GNG7: variants seen among roughly 807,000 people sequenced by gnomAD.
GNG7 encodes guanine nucleotide-binding protein G(I)/G(S)/G(O) subunit gamma-7.
A neutral mutation model predicts 4.0 loss-of-function variants in GNG7; 1 was observed. The observed-to-expected ratio is 0.25, with a 90% CI of 0.09 to 1.18. GNG7 has a LOEUF of 1.18. Ranked by LOEUF, GNG7 falls within the 50% of genes most tolerant of loss-of-function variation. GNG7 has a pLI of 0.50. For missense variants in GNG7, 86 were observed against 91.9 expected (o/e 0.94, Z 0.26); for synonymous variants, 34 against 36.9 (o/e 0.92, Z 0.29).
At chr19:2,525,834 G>T (rs2144732810) in intron 3 of GNG7, among the ~76,000 whole-genome samples, 1 of 152,178 alleles carries the variant, frequency 6.6e-6, no homozygotes, top group South Asian at 2.1e-4. Flanking sequence ...TTTTGAGTCG[G>T]AGTCTCGCTC....
At chr19:2,696,292 GAGAA>G (rs796306243) in intron 1 of GNG7, among the ~76,000 whole-genome samples, 19,474 of 108,254 alleles carry the variant, frequency 0.18, 1,608 homozygotes, top group East Asian at 0.21. Flanking sequence ...AAGAGAGAGA[GAGAA>G]AGAAAGAAAG....
chr19:2,608,883 C>T (rs148203841), intron 2 of GNG7, among the ~76,000 whole-genome samples: 3 of 152,292 alleles, frequency 2.0e-5, no homozygotes, highest in African/African-American at 4.8e-5. Context: ...CCTTCTGACC[C>T]GCTTTTTAAA....
chr19:2,550,183 G>A (rs1365778270), intron 3 of GNG7, among the ~76,000 whole-genome samples: 3 of 152,134 alleles, frequency 2.0e-5, no homozygotes, highest in Non-Finnish European at 4.4e-5. Flanking sequence ...GGAGCGGCTG[G>A]GAGGCACTCT....
chr19:2,524,732 G>A (rs1978338633), intron 3 of GNG7, among the ~76,000 whole-genome samples: 1 of 151,852 alleles, frequency 6.6e-6, no homozygotes, highest in South Asian at 2.1e-4. Flanking sequence ...CAGTGTGCAC[G>A]TGTGTATGTG....
rs200691135 is a variant in GNG7 at position 2,677,917 on chromosome 19, CAG to C, written c.-135+24727_-135+24728del. 4.4e-3 allele frequency among the ~76,000 whole-genome samples: 673 copies of C among 152,286 alleles called. 5 individuals carry two copies. Among genetic ancestry groups the C allele is most frequent in the African/African-American group, 0.015 (638 of 41,544 alleles). ...GATCTGGCCCCAAGGTCCACAGTGA[CAG>C]AGAGTGATAACCGCTGCCATAATCT... is the stretch of plus-strand genomic sequence containing the variant. On this transcript the variant is annotated intron_variant, in intron 1 of 4. Transcript: ENST00000382159.
At chr19:2,668,381 G>T (rs1015998551) in intron 1 of GNG7, among the ~76,000 whole-genome samples, 1 of 152,114 alleles carries the variant, frequency 6.6e-6, no homozygotes, top group African/African-American at 2.4e-5. Context: ...CGCTAAAAAC[G>T]GGATATGCAA....
chr19:2,687,911 G>A (rs185786188), intron 1 of GNG7, among the ~76,000 whole-genome samples: 5 of 150,762 alleles, frequency 3.3e-5, no homozygotes, highest in African/African-American at 1.2e-4. Flanking sequence ...AGTGAGCTGA[G>A]ATCGTGCCAC....
chr19:2,557,253 A>C lies in GNG7; in HGVS notation c.-77-2065T>G, dbSNP rs555704502. Among the ~76,000 whole-genome samples the C allele has an allele frequency of 2.0e-5, 3 of 151,056 alleles. No homozygotes were observed. The highest frequency in any genetic ancestry group is 7.4e-5 in the African/African-American group (3 of 40,716). ...CACACAGACGCACATGTGCACACAC[A>C]CGTGCACACACATTTGCACACACAG... On this transcript the variant is annotated intron_variant, in intron 2 of 4. Transcript: ENST00000382159. This position sits in a 1 kb window ranked among gnomAD's most constrained non-coding sequence, Gnocchi z 5.1.
At chr19:2,582,889 G>A (rs946685529) in intron 2 of GNG7, among the ~76,000 whole-genome samples, 9 of 151,954 alleles carry the variant, frequency 5.9e-5, no homozygotes, top group African/African-American at 1.7e-4. Context: ...GGATGGTCTC[G>A]ATCTCTTGAC....
At chr19:2,531,187 C>T (rs2144737573) in intron 3 of GNG7, among the ~76,000 whole-genome samples, 1 of 130,528 alleles carries the variant, frequency 7.7e-6, no homozygotes, top group African/African-American at 3.1e-5. Context: ...TTCTTGTAAT[C>T]CCAGCTAGTC....
intron 4 of GNG7, among the ~76,000 whole-genome samples, chr19:2,518,158 G>A (rs1978292244): frequency 6.6e-6 from 1 of 152,150 alleles, no homozygotes; most frequent in African/African-American, 2.4e-5. Flanking sequence ...TCGCCGTTGA[G>A]GTTCTGTGGT....
chr19:2,552,848 T>TCCCCCCCCC (rs1555693069), intron 3 of GNG7, among the ~76,000 whole-genome samples: 5 of 84,542 alleles, frequency 5.9e-5, no homozygotes, highest in East Asian at 2.9e-4. Flanking sequence ...TCCTCCCGGC[T>TCCCCCCCCC]CCACCCCCCC....
At chr19:2,519,597 A>AAT (rs71178283) in intron 4 of GNG7, among the ~76,000 whole-genome samples, 1 of 140,640 alleles carries the variant, frequency 7.1e-6, no homozygotes, top group Non-Finnish European at 1.5e-5. Context: ...CACATGCAAA[A>AAT]TTTTTTTTTT....
At chr19:2,691,479 G>T (rs992792135) in intron 1 of GNG7, among the ~76,000 whole-genome samples, 1 of 152,054 alleles carries the variant, frequency 6.6e-6, no homozygotes, top group African/African-American at 2.4e-5. Context: ...GGGAGGCGGA[G>T]GTTGCAGTGA....
At chr19:2,595,473 C>T (rs1006319411) in intron 2 of GNG7, among the ~76,000 whole-genome samples, 2 of 151,936 alleles carry the variant, frequency 1.3e-5, no homozygotes, top group Non-Finnish European at 2.9e-5. Flanking sequence ...GTGGCTCATG[C>T]CTGTAATCCC....
intron 2 of GNG7, among the ~76,000 whole-genome samples, chr19:2,599,823 G>C (rs1196843363): frequency 6.6e-6 from 1 of 151,906 alleles, no homozygotes; most frequent in Non-Finnish European, 1.5e-5. Flanking sequence ...TGTGATCCCA[G>C]CTACTCAGGA....
At chr19:2,542,679 G>A (rs1979002097) in intron 3 of GNG7, among the ~76,000 whole-genome samples, 1 of 152,102 alleles carries the variant, frequency 6.6e-6, no homozygotes, top group African/African-American at 2.4e-5. Flanking sequence ...CACCACATAT[G>A]CAGTAGTTTC....
intron 2 of GNG7, among the ~76,000 whole-genome samples, chr19:2,567,688 G>C (rs1331586046): frequency 6.6e-6 from 1 of 152,138 alleles, no homozygotes; most frequent in Non-Finnish European, 1.5e-5. Flanking sequence ...CAGCGGCAGA[G>C]CTGAGTGCTG....
intron 1 of GNG7, among the ~76,000 whole-genome samples, chr19:2,663,288 C>T (rs1983223806): frequency 6.6e-6 from 1 of 151,624 alleles, no homozygotes; most frequent in Non-Finnish European, 1.5e-5. Flanking sequence ...TTATGAAGGC[C>T]CTACCCTCAT....
Sources: allele counts gnomAD v4.1 joint callset (sites outside exome capture counted in the v4.1 genomes callset), GRCh38; gene constraint gnomAD v4.1.1; non-coding constraint Gnocchi (gnomAD v3.1); transcripts MANE v1.5; gene names NCBI Gene and HGNC (gene_info 2026-07-23, HGNC 2026-07-21).